CCSER2: variants seen among roughly 807,000 people sequenced by gnomAD.
The protein encoded by CCSER2 is coiled-coil serine rich protein 2.
A neutral mutation model predicts 92.3 loss-of-function variants in CCSER2; 46 were observed. The observed-to-expected ratio is 0.50, with a 90% CI of 0.39 to 0.64. The LOEUF (loss-of-function observed/expected upper bound fraction) is 0.64. CCSER2 is among the 30% of genes least tolerant of loss of function. The pLI, the probability that CCSER2 is intolerant of heterozygous loss-of-function variation, is 0.00. For missense variants in CCSER2, 1,244 were observed against 1,238.9 expected, an observed-to-expected ratio of 1.00 and a Z score of -0.06; for synonymous variants, 433 against 431.4, an observed-to-expected ratio of 1.00 and a Z score of -0.04.
chr10:84,428,510 T>C (rs1396495036), intron 5 of CCSER2, among the ~76,000 whole-genome samples: 1 of 152,138 alleles, frequency 6.6e-6, no homozygotes, highest in Non-Finnish European at 1.5e-5. Context: ...GTTAGGGGCT[T>C]GGGCACCCCA....
intron 3 of CCSER2, among the ~76,000 whole-genome samples, chr10:84,399,493 T>C (rs1188006587): frequency 6.6e-6 from 1 of 152,188 alleles, no homozygotes; most frequent in Non-Finnish European, 1.5e-5. Context: ...ATAGGAACAC[T>C]GGATTAGAAG....
intron 6 of CCSER2, among the ~76,000 whole-genome samples, chr10:84,451,375 G>A (rs61866490): frequency 0.15 from 22,817 of 151,622 alleles, 1,843 homozygotes; most frequent in Admixed American, 0.24. Context: ...CAAACTTCTG[G>A]CTTCGAATGA....
intron 5 of CCSER2, among the ~76,000 whole-genome samples, chr10:84,432,593 G>T (rs1469143624): frequency 6.6e-6 from 1 of 152,182 alleles, no homozygotes; most frequent in Non-Finnish European, 1.5e-5. Flanking sequence ...TTCTCTTGTT[G>T]AGTTTTAAGA....
chr10:84,496,378 T>C (rs920311808), intron 9 of CCSER2, among the ~76,000 whole-genome samples: 5 of 152,086 alleles, frequency 3.3e-5, no homozygotes, highest in African/African-American at 1.2e-4. Context: ...CTCCGCCTCC[T>C]GGGTTCATGC....
intron 9 of CCSER2, among the ~76,000 whole-genome samples, chr10:84,499,174 T>G (rs1340213532): frequency 1.3e-5 from 2 of 152,148 alleles, no homozygotes; most frequent in Non-Finnish European, 2.9e-5. Context: ...CTTGCTCTGT[T>G]GCCCAGGCTG....
chr10:84,391,407 A>G (rs1182869802), intron 3 of CCSER2: 1 of 1,513,780 alleles, frequency 6.6e-7, no homozygotes, highest in African/African-American at 1.4e-5. Context: ...TGGATGCAGG[A>G]TAAAATGCTA....
chr10:84,481,986 A>G (rs2133760785), intron 9 of CCSER2, among the ~76,000 whole-genome samples: 1 of 152,278 alleles, frequency 6.6e-6, no homozygotes, highest in Non-Finnish European at 1.5e-5. Context: ...GTTGTAATTA[A>G]TTTAAATGTA....
At chr10:84,462,532 G>A (rs1282571358) in intron 6 of CCSER2, among the ~76,000 whole-genome samples, 3 of 152,146 alleles carry the variant, frequency 2.0e-5, no homozygotes, top group African/African-American at 4.8e-5. Context: ...ACTGAGATGA[G>A]TCCTGTAAAA....
Position 84,513,837 on chromosome 10 carries a change from G to A in CCSER2, c.2714G>A (p.Arg905Lys). The A allele has an allele frequency of 6.5e-7, 1 of 1,536,280 alleles. No individual in the cohort carries two copies. The highest frequency in any genetic ancestry group is 1.2e-5 in the South Asian group (1 of 84,066). Residue 905 changes from arginine to lysine, a missense_variant, in exon 10 of 10, where the codon AGA becomes AAA. Physicochemically the swap from Arg to Lys is conservative, Grantham distance 26. Coordinates refer to ENST00000372088, the MANE Select transcript of CCSER2 (RefSeq NM_001284240.2). ...STVDQAKRVG[R>K]NQSPPVGYMS... ...GTAGACCAGGCTAAGAGAGTTGGAA[G>A]AAATCAGTCTCCGCCAGTGGGTTAT...
intron 5 of CCSER2, among the ~76,000 whole-genome samples, chr10:84,435,617 A>G (rs1246619277): frequency 6.8e-6 from 1 of 146,408 alleles, no homozygotes; most frequent in East Asian, 2.0e-4. Flanking sequence ...GGTAAAATAC[A>G]TGTTCCTTAC....
chr10:84,424,606 C>T (rs931172340), intron 4 of CCSER2, among the ~76,000 whole-genome samples: 2 of 151,460 alleles, frequency 1.3e-5, no homozygotes, highest in African/African-American at 4.9e-5. Context: ...TAATGAAACA[C>T]TCGTCATGTT....
chr10:84,454,142 A>G (rs1845461252), intron 6 of CCSER2, among the ~76,000 whole-genome samples: 1 of 152,174 alleles, frequency 6.6e-6, no homozygotes, highest in South Asian at 2.1e-4. Flanking sequence ...TCTGTAAGAG[A>G]AACTTGCGTT....
At chr10:84,353,481 G>A (rs1844980577) in intron 1 of CCSER2, among the ~76,000 whole-genome samples, 1 of 152,168 alleles carries the variant, frequency 6.6e-6, no homozygotes, top group African/African-American at 2.4e-5. Context: ...GAAATTACTT[G>A]TATTGCTCAA....
intron 3 of CCSER2, 106 bp from the exon 4 acceptor site, chr10:84,417,665 G>C (rs186943120): frequency 5.1e-6 from 3 of 591,900 alleles, no homozygotes; most frequent in Admixed American, 2.5e-5. Context: ...TTTCAGTGCA[G>C]ATAATGAGTG....
chr10:84,511,654 C>T (rs745947762), intron 9 of CCSER2, among the ~76,000 whole-genome samples: 2 of 152,178 alleles, frequency 1.3e-5, no homozygotes, highest in East Asian at 1.9e-4. Flanking sequence ...ACCAATTGAT[C>T]GTGCCTCCTT....
intron 3 of CCSER2, among the ~76,000 whole-genome samples, chr10:84,382,308 C>G (rs1394153963): frequency 6.6e-6 from 1 of 152,070 alleles, no homozygotes; most frequent in Non-Finnish European, 1.5e-5. Flanking sequence ...CTACCTACTA[C>G]CTTTGGTTTC....
intron 1 of CCSER2, among the ~76,000 whole-genome samples, chr10:84,331,177 A>C (rs1459242455): frequency 6.6e-6 from 1 of 152,202 alleles, no homozygotes; most frequent in Non-Finnish European, 1.5e-5. Flanking sequence ...GCTTAGGCTC[A>C]CCTACATCTC....
At chr10:84,385,935 C>T (rs1479821107) in intron 3 of CCSER2, among the ~76,000 whole-genome samples, 1 of 152,030 alleles carries the variant, frequency 6.6e-6, no homozygotes, top group South Asian at 2.1e-4. Flanking sequence ...TATGAACAGA[C>T]ATTTCTCAAA....
chr10:84,386,123 A>G (rs1406885309), intron 3 of CCSER2, among the ~76,000 whole-genome samples: 3 of 152,178 alleles, frequency 2.0e-5, no homozygotes, highest in Non-Finnish European at 4.4e-5. Context: ...TACTTATAAC[A>G]CTGTTGGTGG....
Sources: gnomAD v4.1 joint callset for allele counts (sites outside exome capture counted in the v4.1 genomes callset) on GRCh38, gnomAD v4.1.1 for gene constraint, MANE v1.5 for transcripts, NCBI Gene and HGNC (gene_info 2026-07-23, HGNC 2026-07-21) for gene names.